Variants in MYO3B observed in about 807,000 individuals in gnomAD.
MYO3B encodes myosin IIIB.
In MYO3B, 156 loss-of-function variants were observed where a neutral mutation model predicts 174.6. That is an observed-to-expected ratio of 0.89 (90% CI 0.78 to 1.02). The LOEUF (loss-of-function observed/expected upper bound fraction) is 1.02. Among genes scored for constraint, MYO3B ranks in the 50% least tolerant of loss-of-function variants. The pLI is 0.00. For missense variants in MYO3B, 1,632 were observed against 1,639.4 expected, an observed-to-expected ratio of 1.00 and a Z score of 0.08; for synonymous variants, 563 against 569.1, an observed-to-expected ratio of 0.99 and a Z score of 0.15.
At chr2:170,460,508 A>AAAAAAAC (rs1684220204) in intron 23 of MYO3B, among the ~76,000 whole-genome samples, 1 of 151,782 alleles carries the variant, frequency 6.6e-6, no homozygotes, top group African/African-American at 2.4e-5. Context: ...AAAAAAAAAA[A>AAAAAAAC]AAGACATATG....
intron 25 of MYO3B, among the ~76,000 whole-genome samples, chr2:170,471,275 C>G (rs1220633686): frequency 6.6e-6 from 1 of 152,076 alleles, no homozygotes; most frequent in Non-Finnish European, 1.5e-5. Context: ...GTCTCGAACT[C>G]CTGACCTCAT....
At chr2:170,405,927 G>A (rs768410123) in intron 21 of MYO3B, among the ~76,000 whole-genome samples, 7 of 152,062 alleles carry the variant, frequency 4.6e-5, no homozygotes, top group East Asian at 1.9e-4. Flanking sequence ...AGCTTTTTGC[G>A]GTGTTTAGCA....
At chr2:170,566,718 T>C (rs943366677) in intron 32 of MYO3B, among the ~76,000 whole-genome samples, 4 of 152,152 alleles carry the variant, frequency 2.6e-5, no homozygotes, top group African/African-American at 7.2e-5. Flanking sequence ...GTACCAAGTG[T>C]GAATGGATTT....
intron 22 of MYO3B, among the ~76,000 whole-genome samples, chr2:170,435,031 A>G (rs2094741625): frequency 6.6e-6 from 1 of 152,214 alleles, no homozygotes; most frequent in Admixed American, 6.5e-5. Flanking sequence ...TTTGTTAGCT[A>G]CAGTGTTATA....
At chr2:170,418,314 T>A (rs946662415) in intron 22 of MYO3B, among the ~76,000 whole-genome samples, 9 of 152,238 alleles carry the variant, frequency 5.9e-5, no homozygotes, top group African/African-American at 2.2e-4. Flanking sequence ...TAAAGCATTG[T>A]TGGTTTGTCT....
chr2:170,455,455 T>C (rs1038418236), intron 23 of MYO3B, among the ~76,000 whole-genome samples: 1 of 152,320 alleles, frequency 6.6e-6, no homozygotes, highest in African/African-American at 2.4e-5. Context: ...GGTTCAGATA[T>C]AGGCATGGCC....
chr2:170,573,670 A>G (rs1559127923), intron 32 of MYO3B, among the ~76,000 whole-genome samples: 1 of 152,204 alleles, frequency 6.6e-6, no homozygotes, highest in South Asian at 2.1e-4. Flanking sequence ...TGACTTTCTC[A>G]GCACAAACTG....
At chr2:170,531,786 TGGAAGGAA>T (rs202198573) in intron 30 of MYO3B, among the ~76,000 whole-genome samples, 12 of 151,888 alleles carry the variant, frequency 7.9e-5, no homozygotes, top group African/African-American at 9.7e-5. Flanking sequence ...TGTGGATGGA[TGGAAGGAA>T]GGAAGGAAGG....
rs554949772 is a variant in MYO3B at position 170,354,310 on chromosome 2, A to G, written c.816-14912A>G. ...TTTTGTTTTTCTTTCCCCAGAGCAC[A>G]GTGGCCTGTCTAGAGCAGAGATGGG... On this transcript the variant is annotated intron_variant, in intron 8 of 34. Coordinates refer to ENST00000408978, the MANE Select transcript of MYO3B (RefSeq NM_138995.5). 2.0e-4 allele frequency among the ~76,000 whole-genome samples: 31 copies of G among 152,188 alleles called. No homozygotes were observed. The South Asian group carries it at 6.2e-3, about 31-fold the overall frequency.
intron 8 of MYO3B, among the ~76,000 whole-genome samples, chr2:170,341,844 G>A (rs1026121307): frequency 1.3e-5 from 2 of 151,952 alleles, no homozygotes; most frequent in African/African-American, 4.8e-5. Flanking sequence ...TTACCTAATA[G>A]ATCATCTAAA....
At chr2:170,265,009 G>A (rs1041488291) in intron 7 of MYO3B, among the ~76,000 whole-genome samples, 4 of 152,156 alleles carry the variant, frequency 2.6e-5, no homozygotes, top group African/African-American at 9.7e-5. Context: ...GGAGATAATT[G>A]TTGAGGGCAG....
intron 30 of MYO3B, among the ~76,000 whole-genome samples, chr2:170,537,448 ATTTTTTTTTTTTT>A (rs559086883): frequency 0.015 from 804 of 54,910 alleles, 17 homozygotes; most frequent in Middle Eastern, 0.042. Flanking sequence ...GAGCTCTTTG[ATTTTTTTTTTTTT>A]TTTTTTTTTT....
intron 24 of MYO3B, 106 bp from the exon 25 acceptor site, chr2:170,466,400 A>C: frequency 1.1e-6 from 1 of 933,750 alleles, no homozygotes; most frequent in Admixed American, 2.1e-5. Context: ...TTCCTCAAGA[A>C]GGTCTGTGAG....
rs375891473 is a variant in MYO3B, at chr2:170,534,126, C to A, written c.3576-8780C>A. On this transcript the variant is annotated intron_variant, in intron 30 of 34. Coordinates refer to ENST00000408978, the MANE Select transcript of MYO3B (RefSeq NM_138995.5). ...TCACAGATGTTGTGTTTTTTACGAA[C>A]TGAAGGTTTGTGCCACCCTGTGTTG... Among the ~76,000 whole-genome samples, 185 of 152,304 alleles carry A rather than the reference C, an allele frequency of 1.2e-3. 2 individuals are homozygous for A. The highest frequency in any genetic ancestry group is 4.1e-3 in the African/African-American group (170 of 41,568).
At chr2:170,540,101 C>T (rs1208125718) in intron 30 of MYO3B, among the ~76,000 whole-genome samples, 2 of 152,062 alleles carry the variant, frequency 1.3e-5, no homozygotes, top group African/African-American at 2.4e-5. Flanking sequence ...GCAGGAGGAT[C>T]GCTTGAGGCC....
At chr2:170,501,562 C>T (rs1178227526) in intron 27 of MYO3B, among the ~76,000 whole-genome samples, 1 of 152,160 alleles carries the variant, frequency 6.6e-6, no homozygotes, top group African/African-American at 2.4e-5. Flanking sequence ...AAATCACTGC[C>T]TGAACAAAAG....
chr2:170,432,736 C>T (rs2094721161), intron 22 of MYO3B, among the ~76,000 whole-genome samples: 1 of 151,966 alleles, frequency 6.6e-6, no homozygotes, highest in Non-Finnish European at 1.5e-5. Context: ...GCCACCATGC[C>T]CGGCTAATTT....
chr2:170,638,630 C>G (rs2105429995), intron 32 of MYO3B, among the ~76,000 whole-genome samples: 1 of 152,292 alleles, frequency 6.6e-6, no homozygotes, highest in East Asian at 1.9e-4. Context: ...TACCCTTTTC[C>G]TGCCTTCACA....
Position 170,214,799 on chromosome 2 carries a change from CAGA to C in MYO3B, c.500_502del (p.Glu167del), listed in dbSNP as rs1559305504. The C allele has an allele frequency of 1.2e-6, 2 of 1,614,008 alleles. No homozygotes were observed. The highest frequency in any genetic ancestry group is 8.5e-7 in the Non-Finnish European group (1 of 1,179,940). On this transcript the variant is annotated inframe_deletion, in exon 5 of 35. Coordinates refer to ENST00000408978, the MANE Select transcript of MYO3B (RefSeq NM_138995.5). ...AAGGGGAATAACATTCTTCTGACAA[CAGA>C]AGGAGGAGTTAAGCTCGTTGACTTT...
Sources: gnomAD v4.1 joint callset for allele counts (sites outside exome capture counted in the v4.1 genomes callset) on GRCh38, gnomAD v4.1.1 for gene constraint, MANE v1.5 for transcripts, NCBI Gene and HGNC (gene_info 2026-07-23, HGNC 2026-07-21) for gene names.